The following USP10 variants were observed in gnomAD, a reference collection of about 807,000 sequenced individuals.
USP10 encodes ubiquitin specific peptidase 10.
In USP10, 22 loss-of-function variants were observed where a neutral mutation model predicts 84.5. The ratio of observed to expected loss-of-function variants is 0.26; its 90% CI spans 0.19 to 0.37. USP10 has a LOEUF of 0.37. Ranked by LOEUF, USP10 falls within the 10% of genes least tolerant of loss-of-function variation. The pLI, the probability that USP10 is intolerant of heterozygous loss-of-function variation, is 1.00. For missense variants in USP10, 1,019 were observed against 998.9 expected, an observed-to-expected ratio of 1.02 and a Z score of -0.27; for synonymous variants, 454 against 387.6, an observed-to-expected ratio of 1.17 and a Z score of -2.01.
chr16:84,719,948 G>A (rs574644532), intron 1 of USP10, among the ~76,000 whole-genome samples: 265 of 152,316 alleles, frequency 1.7e-3, no homozygotes, highest in African/African-American at 5.9e-3. Flanking sequence ...ATTTTCAACA[G>A]ATAGTAATTT....
intron 2 of USP10, among the ~76,000 whole-genome samples, chr16:84,737,023 C>T (rs780210390): frequency 3.3e-5 from 5 of 152,172 alleles, no homozygotes; most frequent in African/African-American, 9.7e-5. Context: ...CTCCTGACCT[C>T]GTGGTCTGCC....
chr16:84,740,483 AG>A, intron 3 of USP10, 114 bp downstream of exon 3: 2 of 869,226 alleles, frequency 2.3e-6, no homozygotes, highest in Non-Finnish European at 3.6e-6. Context: ...TGTAGCTTGA[AG>A]TTTTTGCTGT....
intron 3 of USP10, among the ~76,000 whole-genome samples, chr16:84,744,131 C>T (rs1462639194): frequency 6.6e-6 from 1 of 151,282 alleles, no homozygotes; most frequent in African/African-American, 2.4e-5. Flanking sequence ...TTTCTCCTAT[C>T]CAGTATGTAT....
At chr16:84,757,127 C>T (rs1912636255) in intron 4 of USP10, among the ~76,000 whole-genome samples, 1 of 152,188 alleles carries the variant, frequency 6.6e-6, no homozygotes, top group Non-Finnish European at 1.5e-5. Flanking sequence ...GTGTCCCTCA[C>T]ATGACAGGTG....
chr16:84,708,212 G>A (rs939369025), intron 1 of USP10, among the ~76,000 whole-genome samples: 1 of 152,208 alleles, frequency 6.6e-6, no homozygotes, highest in Non-Finnish European at 1.5e-5. Flanking sequence ...CACTTTGGGA[G>A]GTCGAGGTGG....
chr16:84,762,672 C>T lies in USP10; in HGVS notation c.1555-317C>T, dbSNP rs193197836. Among the ~76,000 whole-genome samples the T allele has an allele frequency of 2.2e-3, 316 of 146,414 alleles. 3 individuals are homozygous for T. Among genetic ancestry groups the T allele is most frequent in the African/African-American group, 7.7e-3 (302 of 39,370 alleles). ...CACCACTGCACTCCAGCCTGGGTGACGGAATGAGACTTTGTCTCAAAAAAA... is the reference window on the plus strand; with the variant it reads ...CACCACTGCACTCCAGCCTGGGTGATGGAATGAGACTTTGTCTCAAAAAAA... On this transcript the variant is annotated intron_variant, in intron 8 of 13. Transcript: ENST00000219473.
At chr16:84,766,381 G>A (rs767232572) in intron 10 of USP10, among the ~76,000 whole-genome samples, 4 of 152,366 alleles carry the variant, frequency 2.6e-5, no homozygotes, top group Non-Finnish European at 5.9e-5. Context: ...GAAACACCCA[G>A]CCCTGACCAC....
intron 1 of USP10, among the ~76,000 whole-genome samples, chr16:84,730,073 C>T (rs1168959217): frequency 6.6e-6 from 1 of 152,054 alleles, no homozygotes; most frequent in African/African-American, 2.4e-5. Context: ...TAGTCCCCTC[C>T]CAAGAAAACC....
chr16:84,718,460 A>C (rs536956472), intron 1 of USP10, among the ~76,000 whole-genome samples: 1 of 152,294 alleles, frequency 6.6e-6, no homozygotes, highest in African/African-American at 2.4e-5. Context: ...ATTTAGTTGC[A>C]TTATAGTTTT....
intron 1 of USP10, among the ~76,000 whole-genome samples, chr16:84,725,380 C>G (rs1247227578): frequency 6.6e-6 from 1 of 152,094 alleles, no homozygotes; most frequent in Non-Finnish European, 1.5e-5. Context: ...ATGACATTTT[C>G]TTTTTCTTTT....
Position 84,768,278 on chromosome 16 carries a change from A to G in USP10, c.1918A>G (p.Ile640Val), listed in dbSNP as rs1489418460. Residue 640 changes from isoleucine (I) to valine (V), a missense_variant, in exon 11 of 14, where the codon ATA becomes GTA. By Grantham distance (29) the Ile-to-Val change is conservative. Around this residue, in one of 2 missense-constraint regions of USP10, gnomAD observed 232 missense variants for 290.1 expected, o/e 0.80. Transcript: ENST00000219473. ...GCAGTTGGATATCCAGTCAGACAAGATACGCACAGTCCAGGATGCACTGGA... is the reference window on the plus strand; with the variant it reads ...GCAGTTGGATATCCAGTCAGACAAGGTACGCACAGTCCAGGATGCACTGGA... ...TLQLDIQSDKIRTVQDALESL... is the reference protein window; with the variant it reads ...TLQLDIQSDKVRTVQDALESL... 2 of 1,607,992 alleles carry G rather than the reference A, an allele frequency of 1.2e-6. No individual in the cohort carries two copies. The highest frequency in any genetic ancestry group is 1.1e-5 in the South Asian group (1 of 89,658).
chr16:84,721,485 T>C (rs1907804805), intron 1 of USP10, among the ~76,000 whole-genome samples: 1 of 152,226 alleles, frequency 6.6e-6, no homozygotes, highest in South Asian at 2.1e-4. Context: ...TGAAGTATAA[T>C]TTAATACAAT....
intron 1 of USP10, chr16:84,708,820 T>A (rs1905889167): frequency 6.6e-6 from 1 of 152,238 alleles, no homozygotes; most frequent in Admixed American, 6.5e-5. Context: ...TACTAGACAC[T>A]TTTTTCAGAA....
At chr16:84,732,128 C>T (rs1390990394) in intron 1 of USP10, among the ~76,000 whole-genome samples, 1 of 152,100 alleles carries the variant, frequency 6.6e-6, no homozygotes, top group African/African-American at 2.4e-5. Flanking sequence ...AAACGTTTTC[C>T]CTGTGCATTC....
intron 1 of USP10, among the ~76,000 whole-genome samples, chr16:84,726,409 T>C (rs1258755390): frequency 3.3e-5 from 5 of 152,196 alleles, no homozygotes; most frequent in Non-Finnish European, 5.9e-5. Context: ...TGTTTTTCCT[T>C]TAGCAGGAAC....
chr16:84,759,392 G>A lies in USP10; in HGVS notation c.1314G>A (p.Pro438=), dbSNP rs755302859. ...TGCAGGCATTGGTTGCTTGCCCGCCGATGTACCACCTGATGAAGTTCATTC... is the reference window on the plus strand; with the variant it reads ...TGCAGGCATTGGTTGCTTGCCCGCCAATGTACCACCTGATGAAGTTCATTC... The part of the protein sequence containing the change: ...ATLQALVACP[P]MYHLMKFIPL... Residue 438 remains proline (P), a synonymous_variant, in exon 6 of 14, where the codon CCG becomes CCA. Coordinates refer to ENST00000219473, the MANE Select transcript of USP10 (RefSeq NM_005153.3). 2.8e-5 allele frequency: 45 copies of A among 1,613,844 alleles called. No homozygotes were observed. The Middle Eastern group carries it at 9.9e-4, about 35-fold the overall frequency.
intron 4 of USP10, among the ~76,000 whole-genome samples, chr16:84,754,630 C>T (rs764572718): frequency 2.0e-5 from 3 of 152,112 alleles, no homozygotes; most frequent in African/African-American, 4.8e-5. Flanking sequence ...AACCTGCCTG[C>T]GCCTCAAAAT....
intron 13 of USP10, 129 bp from the exon 14 acceptor site, chr16:84,778,766 C>T: frequency 2.3e-6 from 2 of 880,690 alleles, no homozygotes; most frequent in East Asian, 2.7e-5. Flanking sequence ...GATGACATCT[C>T]TCTGTCCCAC....
intron 10 of USP10, among the ~76,000 whole-genome samples, chr16:84,767,226 C>A (rs967734706): frequency 2.0e-5 from 3 of 152,002 alleles, no homozygotes; most frequent in Admixed American, 6.6e-5. Context: ...AACTAGGTCA[C>A]CGAGACTGCA....
Sources: gnomAD v4.1 joint callset for allele counts (sites outside exome capture counted in the v4.1 genomes callset) on GRCh38, gnomAD v4.1.1 for gene constraint, gnomAD v4.1.1 regional missense constraint, MANE v1.5 for transcripts, NCBI Gene and HGNC (gene_info 2026-07-23, HGNC 2026-07-21) for gene names.